The following PTPRD variants were observed in gnomAD, a reference collection of about 807,000 sequenced individuals.
PTPRD encodes the protein receptor-type tyrosine-protein phosphatase delta.
Under a neutral mutation model 214.5 loss-of-function variants are expected in PTPRD, and 34 were observed. That is an observed-to-expected ratio of 0.16 (90% CI 0.12 to 0.21). PTPRD has a LOEUF of 0.21. PTPRD is among the 10% of genes least tolerant of loss of function. The probability of loss-of-function intolerance (pLI) is 1.00; values close to 1 mark genes in which losing one functional copy is unlikely to be tolerated. For missense variants in PTPRD, 2,545 were observed against 2,398.7 expected (o/e 1.06, Z -1.27); for synonymous variants, 1,128 against 845.7 (o/e 1.33, Z -5.79).
intron 8 of PTPRD, among the ~76,000 whole-genome samples, chr9:9,469,750 G>A (rs2094465267): frequency 6.6e-6 from 1 of 151,982 alleles, no homozygotes; most frequent in Admixed American, 6.6e-5. Context: ...TCTCTGCCTG[G>A]GCTTCCTAAG....
intron 27 of PTPRD, among the ~76,000 whole-genome samples, chr9:8,491,697 TGAA>T (rs988190239): frequency 5.3e-5 from 8 of 149,982 alleles, no homozygotes; most frequent in African/African-American, 2.0e-4. Flanking sequence ...GACTCAGCCT[TGAA>T]GGAGTTTTGC....
At chr9:8,929,753 A>ATGTGTG (rs200119100) in intron 11 of PTPRD, among the ~76,000 whole-genome samples, 8,941 of 70,362 alleles carry the variant, frequency 0.13, 2,115 homozygotes, top group East Asian at 0.52. Context: ...GTGTATATAT[A>ATGTGTG]TATGTATATA....
chr9:8,742,224 T>G (rs960594044), intron 11 of PTPRD, among the ~76,000 whole-genome samples: 2 of 152,198 alleles, frequency 1.3e-5, no homozygotes, highest in Non-Finnish European at 2.9e-5. Context: ...TATGATTTGT[T>G]GTTTTATTTT....
chr9:9,316,492 T>C (rs1230431554), intron 9 of PTPRD, among the ~76,000 whole-genome samples: 1 of 152,130 alleles, frequency 6.6e-6, no homozygotes, highest in Non-Finnish European at 1.5e-5. Flanking sequence ...AGACATTGCT[T>C]GACCCAAATA....
rs80289635 is a variant in PTPRD at position 9,893,041 on chromosome 9, T to A, written c.-368+45466A>T. On this transcript the variant is annotated intron_variant, in intron 5 of 45. Coordinates refer to ENST00000381196, the MANE Select transcript of PTPRD (RefSeq NM_002839.4). ...TGGACATCAGACACTCACTTAGATA[T>A]GCTGAGTAGGCAGTGGGAAGTAAGA... 2.6e-5 allele frequency among the ~76,000 whole-genome samples: 4 copies of A among 152,194 alleles called. No individual in the cohort carries two copies. The East Asian group carries it at 5.8e-4, about 22-fold the overall frequency.
chr9:8,623,878 A>C lies in PTPRD; in HGVS notation c.352+9439T>G, dbSNP rs139620917. 3.1e-3 allele frequency among the ~76,000 whole-genome samples: 476 copies of C among 152,064 alleles called. 3 individuals are homozygous for C. Among genetic ancestry groups the C allele is most frequent in the African/African-American group, 0.011 (459 of 41,520 alleles). The stretch of plus-strand genomic sequence containing the variant: ...CACTTCCTACACCAAGGTTGGTAAC[A>C]GAAATAATCAAAAAAACAAAACAAA... On this transcript the variant is annotated intron_variant, in intron 14 of 45. Transcript: ENST00000381196.
At chr9:10,082,681 C>T (rs1169411038) in intron 3 of PTPRD, among the ~76,000 whole-genome samples, 2 of 151,792 alleles carry the variant, frequency 1.3e-5, no homozygotes, top group Non-Finnish European at 2.9e-5. Context: ...CACTTAAATA[C>T]ATGAACTTAA....
intron 7 of PTPRD, among the ~76,000 whole-genome samples, chr9:9,590,649 C>T (rs1483666267): frequency 6.6e-6 from 1 of 151,664 alleles, no homozygotes; most frequent in Non-Finnish European, 1.5e-5. Flanking sequence ...TAACACTTGT[C>T]TTTTTCATAA....
chr9:10,206,574 C>T (rs1482901738), intron 3 of PTPRD, among the ~76,000 whole-genome samples: 5 of 152,136 alleles, frequency 3.3e-5, no homozygotes, highest in Admixed American at 6.6e-5. Context: ...AAGTGAAATA[C>T]AGGAACAGTT....
intron 2 of PTPRD, among the ~76,000 whole-genome samples, chr9:10,432,435 A>AT (rs1234217918): frequency 6.6e-6 from 1 of 151,408 alleles, no homozygotes; most frequent in Non-Finnish European, 1.5e-5. Flanking sequence ...TTAAAGTATA[A>AT]TAAAAAAAAA....
intron 7 of PTPRD, among the ~76,000 whole-genome samples, chr9:9,677,550 G>C (rs1001305408): frequency 1.3e-5 from 2 of 152,002 alleles, no homozygotes; most frequent in African/African-American, 4.8e-5. Flanking sequence ...AATAAATTAG[G>C]TATTGATGGG....
chr9:9,082,786 G>A (rs1371231169), intron 10 of PTPRD, among the ~76,000 whole-genome samples: 2 of 152,002 alleles, frequency 1.3e-5, no homozygotes, highest in Non-Finnish European at 2.9e-5. Flanking sequence ...AATCATGAGT[G>A]AACTCCCATT....
At chr9:9,386,974 T>G (rs1398903186) in intron 9 of PTPRD, among the ~76,000 whole-genome samples, 2 of 152,192 alleles carry the variant, frequency 1.3e-5, no homozygotes, top group African/African-American at 4.8e-5. Flanking sequence ...CAAGAATTTG[T>G]GTCCTAACAG....
intron 37 of PTPRD, among the ~76,000 whole-genome samples, chr9:8,381,518 C>A (rs192019953): frequency 6.6e-6 from 1 of 152,244 alleles, no homozygotes; most frequent in Non-Finnish European, 1.5e-5. Flanking sequence ...GGCAGTCAGT[C>A]TGGTTTGTGT....
intron 4 of PTPRD, among the ~76,000 whole-genome samples, chr9:9,939,599 G>A (rs2153964541): frequency 1.3e-5 from 2 of 152,258 alleles, no homozygotes; most frequent in Admixed American, 1.3e-4. Flanking sequence ...TTTACCTCTT[G>A]TTGTACCTAC....
At chr9:9,062,559 TC>T (rs2099709460) in intron 10 of PTPRD, among the ~76,000 whole-genome samples, 1 of 694 alleles carries the variant, frequency 1.4e-3, no homozygotes, top group Non-Finnish European at 0.038. Context: ...CCATATATTA[TC>T]TATCTATCTA....
chr9:9,188,136 C>G (rs924590026), intron 9 of PTPRD, among the ~76,000 whole-genome samples: 1 of 151,916 alleles, frequency 6.6e-6, no homozygotes, highest in African/African-American at 2.4e-5. Context: ...TTGCCTTGAA[C>G]GTTATGTAAA....
chr9:9,390,684 A>G (rs1012303479), intron 9 of PTPRD, among the ~76,000 whole-genome samples: 1 of 152,202 alleles, frequency 6.6e-6, no homozygotes, highest in Non-Finnish European at 1.5e-5. Context: ...GATGCTTTAC[A>G]TGATCAACTG....
intron 11 of PTPRD, among the ~76,000 whole-genome samples, chr9:8,806,389 T>A (rs1181573513): frequency 2.0e-5 from 3 of 152,160 alleles, no homozygotes; most frequent in Admixed American, 6.5e-5. Flanking sequence ...TGCAATCATA[T>A]AATTTTTTGA....
Sources: gnomAD v4.1 joint callset for allele counts (sites outside exome capture counted in the v4.1 genomes callset) on GRCh38, gnomAD v4.1.1 for gene constraint, MANE v1.5 for transcripts, NCBI Gene and HGNC (gene_info 2026-07-23, HGNC 2026-07-21) for gene names.